Variants in TMEM132D observed in about 807,000 individuals in gnomAD.
TMEM132D encodes the protein transmembrane protein 132D.
TMEM132D carries 21 observed loss-of-function variants against 62.3 expected under a neutral mutation model. That is an observed-to-expected ratio of 0.34 (90% CI 0.24 to 0.49). The LOEUF is 0.49. Ranked by LOEUF, TMEM132D falls within the 20% of genes least tolerant of loss-of-function variation. TMEM132D has a pLI of 0.99. For missense variants in TMEM132D, 1,346 were observed against 1,402.8 expected, an observed-to-expected ratio of 0.96 and a Z score of 0.65; for synonymous variants, 621 against 575.6, an observed-to-expected ratio of 1.08 and a Z score of -1.13.
intron 1 of TMEM132D, among the ~76,000 whole-genome samples, chr12:129,885,990 T>TA (rs1874738927): frequency 1.3e-5 from 2 of 152,308 alleles, no homozygotes; most frequent in African/African-American, 4.8e-5. Flanking sequence ...TATGTCTTCT[T>TA]ACCACAAAAA....
At chr12:129,197,000 T>C (rs1241529157) in intron 5 of TMEM132D, among the ~76,000 whole-genome samples, 1 of 152,080 alleles carries the variant, frequency 6.6e-6, no homozygotes, top group Non-Finnish European at 1.5e-5. Flanking sequence ...AAAGGCCCAG[T>C]AGAGTCCATG....
rs73429389 is a variant in TMEM132D at position 129,791,221 on chromosome 12, T to C, written c.80-90523A>G. The stretch of plus-strand genomic sequence containing the variant: ...AGGAAATCAGCAGGTCCTATCTCAT[T>C]AGAATCACAAAAGCCTACATTTTTA... On this transcript the variant is annotated intron_variant, in intron 1 of 8. Transcript: ENST00000422113. Among the ~76,000 whole-genome samples, 1,082 of 152,290 alleles carry C rather than the reference T, an allele frequency of 7.1e-3. 11 individuals are homozygous for C. Among genetic ancestry groups the C allele is most frequent in the African/African-American group, 0.025 (1,028 of 41,552 alleles).
chr12:129,075,198 G>A (rs1021453700), intron 8 of TMEM132D, 139 bp from the exon 9 acceptor site: 6 of 683,870 alleles, frequency 8.8e-6, no homozygotes, highest in African/African-American at 3.6e-5. Context: ...AGAAATAAGC[G>A]ATAAGAAGTA....
intron 3 of TMEM132D, among the ~76,000 whole-genome samples, chr12:129,513,820 AT>A (rs1442868167): frequency 1.1e-4 from 13 of 115,098 alleles, no homozygotes; most frequent in South Asian, 5.6e-4. Context: ...TTATTTATTT[AT>A]TTATTTATTT....
intron 2 of TMEM132D, among the ~76,000 whole-genome samples, chr12:129,545,763 C>G (rs1876714784): frequency 6.6e-6 from 1 of 152,206 alleles, no homozygotes; most frequent in South Asian, 2.1e-4. Flanking sequence ...TCTGAGACTT[C>G]TTACACAAGT....
chr12:129,238,875 C>A (rs990864721), intron 4 of TMEM132D, among the ~76,000 whole-genome samples: 5 of 152,052 alleles, frequency 3.3e-5, no homozygotes, highest in Non-Finnish European at 7.4e-5. Flanking sequence ...TAGGGTTATT[C>A]TATGTTCAAT....
intron 4 of TMEM132D, among the ~76,000 whole-genome samples, chr12:129,240,591 G>A (rs758685381): frequency 7.9e-5 from 12 of 152,116 alleles, no homozygotes; most frequent in Admixed American, 2.6e-4. Context: ...TGATTTCTTC[G>A]TGATTTAAAA....
At chr12:129,669,586 T>C (rs1057263600) in intron 2 of TMEM132D, among the ~76,000 whole-genome samples, 1 of 152,086 alleles carries the variant, frequency 6.6e-6, no homozygotes, top group Non-Finnish European at 1.5e-5. Context: ...GTGCCTGTAG[T>C]CGCAGCTACT....
chr12:129,567,781 TTTTG>T (rs1433204615), intron 2 of TMEM132D, among the ~76,000 whole-genome samples: 1 of 152,198 alleles, frequency 6.6e-6, no homozygotes, highest in Non-Finnish European at 1.5e-5. Flanking sequence ...TTTTCTCAGT[TTTTG>T]TTTATAATAT....
At chr12:129,477,006 T>C (rs999590839) in intron 3 of TMEM132D, among the ~76,000 whole-genome samples, 1 of 152,220 alleles carries the variant, frequency 6.6e-6, no homozygotes, top group Non-Finnish European at 1.5e-5. Context: ...TCTTGCTTGA[T>C]AATCCATGCC....
At chr12:129,662,697 G>T (rs1010838292) in intron 2 of TMEM132D, among the ~76,000 whole-genome samples, 6 of 150,332 alleles carry the variant, frequency 4.0e-5, no homozygotes, top group Admixed American at 1.3e-4. Context: ...GGAGGCTGAG[G>T]CAGGAGAATC....
intron 3 of TMEM132D, among the ~76,000 whole-genome samples, chr12:129,529,444 C>A (rs910627267): frequency 7.9e-5 from 12 of 152,190 alleles, no homozygotes; most frequent in African/African-American, 2.4e-4. Flanking sequence ...CCATTGGGCC[C>A]CCCCATGCTC....
chr12:129,431,236 T>A (rs1177564953), intron 3 of TMEM132D, among the ~76,000 whole-genome samples: 1 of 152,224 alleles, frequency 6.6e-6, no homozygotes, highest in Non-Finnish European at 1.5e-5. Context: ...TTCAGTAACT[T>A]ACTCGACAGT....
intron 2 of TMEM132D, among the ~76,000 whole-genome samples, chr12:129,671,834 C>T (rs1474733233): frequency 5.3e-5 from 8 of 152,148 alleles, no homozygotes; most frequent in Non-Finnish European, 7.4e-5. Context: ...GAAAGGAAAA[C>T]GCAAGGCAGC....
intron 1 of TMEM132D, among the ~76,000 whole-genome samples, chr12:129,895,086 G>C (rs1360961437): frequency 2.0e-5 from 3 of 152,150 alleles, no homozygotes; most frequent in Admixed American, 1.3e-4. Flanking sequence ...GCTGGGGACA[G>C]AGTCCTGGGG....
intron 1 of TMEM132D, among the ~76,000 whole-genome samples, chr12:129,821,914 G>T (rs528649390): frequency 3.2e-4 from 49 of 152,300 alleles, no homozygotes; most frequent in Admixed American, 2.0e-3. Context: ...AAGTGGCCAA[G>T]ACCACAGGTT....
chr12:129,354,844 T>C (rs1407212026), intron 3 of TMEM132D, among the ~76,000 whole-genome samples: 1 of 152,216 alleles, frequency 6.6e-6, no homozygotes, highest in African/African-American at 2.4e-5. Context: ...TCTTGATTTC[T>C]GCCTAATATG....
At chr12:129,704,945 G>A (rs1446656840) in intron 1 of TMEM132D, among the ~76,000 whole-genome samples, 1 of 152,158 alleles carries the variant, frequency 6.6e-6, no homozygotes, top group Non-Finnish European at 1.5e-5. Context: ...GTTTTGTAAG[G>A]AAATAAGACT....
At chr12:129,456,721 T>C (rs1326533647) in intron 3 of TMEM132D, among the ~76,000 whole-genome samples, 2 of 152,216 alleles carry the variant, frequency 1.3e-5, no homozygotes, top group African/African-American at 2.4e-5. Context: ...TGATTCCTCA[T>C]CCACCCAATG....
Sources: allele counts gnomAD v4.1 joint callset (sites outside exome capture counted in the v4.1 genomes callset), GRCh38; gene constraint gnomAD v4.1.1; transcripts MANE v1.5; gene names NCBI Gene and HGNC (gene_info 2026-07-23, HGNC 2026-07-21).